SCP2: variants seen among roughly 807,000 people sequenced by gnomAD.
SCP2 encodes sterol carrier protein 2.
A neutral mutation model predicts 71.4 loss-of-function variants in SCP2; 48 were observed. That is an observed-to-expected ratio of 0.67 (90% confidence interval 0.53 to 0.86). The LOEUF (loss-of-function observed/expected upper bound fraction) is 0.86, where lower values mean the gene tolerates loss of function less well. SCP2 is among the 40% of genes least tolerant of loss of function. SCP2 has a pLI of 0.00. For missense variants in SCP2, 560 were observed against 655.6 expected (o/e 0.85, Z 1.59); for synonymous variants, 220 against 218.1 (o/e 1.01, Z -0.08).
At chr1:52,994,218 G>A in intron 11 of SCP2, 1 of 1,017,914 alleles carries the variant, frequency 9.8e-7, no homozygotes, top group Non-Finnish European at 1.2e-6. Flanking sequence ...ATATTCCTGT[G>A]GTATGGTCAC....
At chr1:52,934,361 G>A (rs1266083594) in intron 1 of SCP2, among the ~76,000 whole-genome samples, 1 of 151,582 alleles carries the variant, frequency 6.6e-6, no homozygotes, top group Non-Finnish European at 1.5e-5. Context: ...TAACAAAGGT[G>A]AGTTTTTGGA....
intron 6 of SCP2, among the ~76,000 whole-genome samples, chr1:52,969,288 A>C (rs1657242894): frequency 6.6e-6 from 1 of 152,076 alleles, no homozygotes; most frequent in African/African-American, 2.4e-5. Flanking sequence ...GCACTTTGGG[A>C]GGCTGAGGCA....
chr1:53,033,290 A>C (rs1662680539), intron 13 of SCP2, among the ~76,000 whole-genome samples: 1 of 152,218 alleles, frequency 6.6e-6, no homozygotes, highest in Admixed American at 6.5e-5. Context: ...GCTCTCAGGG[A>C]ATGTACCTAT....
intron 10 of SCP2, among the ~76,000 whole-genome samples, chr1:52,984,978 T>G (rs1464402136): frequency 6.6e-6 from 1 of 151,652 alleles, no homozygotes; most frequent in Non-Finnish European, 1.5e-5. Flanking sequence ...TAGCTGGGAT[T>G]ACAGGGGTAC....
chr1:52,950,674 T>C (rs1473451996), intron 3 of SCP2, 81 bp from the exon 4 acceptor site: 1 of 1,160,670 alleles, frequency 8.6e-7, no homozygotes, highest in Non-Finnish European at 1.3e-6. Flanking sequence ...AGGTATAATA[T>C]TGAAAAAACC....
intron 13 of SCP2, among the ~76,000 whole-genome samples, chr1:53,034,174 G>C (rs1662753888): frequency 6.6e-6 from 1 of 151,974 alleles, no homozygotes; most frequent in Admixed American, 6.6e-5. Flanking sequence ...CTACTTAGGA[G>C]GCAGAGGCAG....
intron 13 of SCP2, among the ~76,000 whole-genome samples, chr1:53,030,961 CATT>C (rs1277823421): frequency 6.8e-6 from 1 of 147,138 alleles, no homozygotes; most frequent in African/African-American, 2.5e-5. Flanking sequence ...AAAAATATCT[CATT>C]GTTTCTTGAA....
chr1:53,012,396 G>A lies in SCP2; in HGVS notation c.1082-2494G>A, dbSNP rs372464231. On this transcript the variant is annotated intron_variant, in intron 11 of 15. Transcript: ENST00000371514. ...ATGGACAACTTCCCCTGTATCTTTG[G>A]GTCTTTATTCTGAATGCTCCTATGT... 1.2e-3 allele frequency among the ~76,000 whole-genome samples: 181 copies of A among 152,208 alleles called. No homozygotes were observed. In the South Asian group the frequency reaches 0.022, roughly 18 times the overall value.
intron 12 of SCP2, among the ~76,000 whole-genome samples, chr1:53,027,195 C>T (rs6674545): frequency 0.14 from 20,834 of 152,036 alleles, 2,034 homozygotes; most frequent in East Asian, 0.32. Context: ...GCTGGGACTA[C>T]AGGCACGCAC....
At chr1:53,042,766 G>A (rs1663526626) in intron 14 of SCP2, among the ~76,000 whole-genome samples, 1 of 152,162 alleles carries the variant, frequency 6.6e-6, no homozygotes. Flanking sequence ...TAGGGGGTTT[G>A]TTTATTGTTA....
intron 8 of SCP2, 73 bp from the exon 9 acceptor site, chr1:52,978,144 G>A: frequency 1.4e-6 from 2 of 1,450,060 alleles, no homozygotes; most frequent in Non-Finnish European, 1.9e-6. Context: ...CTTTCACATA[G>A]AAGTAACTCC....
intron 10 of SCP2, among the ~76,000 whole-genome samples, chr1:52,987,131 G>A (rs575710355): frequency 2.0e-5 from 3 of 150,938 alleles, no homozygotes; most frequent in African/African-American, 7.3e-5. Flanking sequence ...GGCTGGTCTC[G>A]AACTCCTGAC....
intron 13 of SCP2, among the ~76,000 whole-genome samples, chr1:53,028,617 A>G (rs1174441530): frequency 6.6e-6 from 1 of 152,120 alleles, no homozygotes; most frequent in Non-Finnish European, 1.5e-5. Flanking sequence ...TTTATACTAT[A>G]CTTTTGTTTT....
At chr1:52,990,733 CAAAAAAAAAA>C (rs61221989) in intron 11 of SCP2, among the ~76,000 whole-genome samples, 159 of 62,426 alleles carry the variant, frequency 2.5e-3, no homozygotes, top group Middle Eastern at 0.014. Context: ...GACTCCGTCT[CAAAAAAAAAA>C]AAAAAAAAAA....
intron 11 of SCP2, among the ~76,000 whole-genome samples, chr1:52,990,296 C>A (rs537092700): frequency 6.6e-6 from 1 of 151,626 alleles, no homozygotes; most frequent in Admixed American, 6.6e-5. Flanking sequence ...TGCAGATAAA[C>A]AATAAAGGGT....
At chr1:52,998,646 G>A (rs910686800) in intron 11 of SCP2, among the ~76,000 whole-genome samples, 2 of 152,152 alleles carry the variant, frequency 1.3e-5, no homozygotes, top group South Asian at 2.1e-4. Flanking sequence ...ACTTTTGCAG[G>A]TATATCCATA....
rs1664180383 is a variant in SCP2 at position 53,051,255 on chromosome 1, A to G, written c.*551A>G. Reference sequence around the variant, plus strand: ...CAGTATTTTCTTCCCAAATCAAAATAAAAGAAATATGATCAGAGCTTGAAC... The same window carrying G: ...CAGTATTTTCTTCCCAAATCAAAATGAAAGAAATATGATCAGAGCTTGAAC... On this transcript the variant is annotated 3_prime_UTR_variant, in exon 16 of 16. Coordinates refer to ENST00000371514, the MANE Select transcript of SCP2 (RefSeq NM_002979.5). The G allele has an allele frequency of 6.6e-6, 1 of 152,340 alleles. No homozygotes were observed. The highest frequency in any genetic ancestry group is 1.5e-5 in the Non-Finnish European group (1 of 68,142). 9.4% of individuals were successfully genotyped at this position (152,340 alleles called of 1,614,324 possible).
At chr1:53,006,912 C>G (rs1660675142) in intron 11 of SCP2, among the ~76,000 whole-genome samples, 2 of 151,894 alleles carry the variant, frequency 1.3e-5, no homozygotes, top group Non-Finnish European at 2.9e-5. Flanking sequence ...CACACATAGG[C>G]TCAAAATAAA....
chr1:53,015,173 T>C (rs1661252024), intron 12 of SCP2, 130 bp downstream of exon 12: 2 of 947,946 alleles, frequency 2.1e-6, no homozygotes, highest in Non-Finnish European at 3.3e-6. Flanking sequence ...TTACATTGTT[T>C]TAAGAACATG....
Sources: allele counts gnomAD v4.1 joint callset (sites outside exome capture counted in the v4.1 genomes callset), GRCh38; gene constraint gnomAD v4.1.1; transcripts MANE v1.5; gene names NCBI Gene and HGNC (gene_info 2026-07-23, HGNC 2026-07-21).